SLC5A3: variants seen among roughly 807,000 people sequenced by gnomAD.
SLC5A3 encodes solute carrier family 5 member 3.
A neutral mutation model predicts 43.2 loss-of-function variants in SLC5A3; 10 were observed. The ratio of observed to expected loss-of-function variants is 0.23; its 90% CI spans 0.14 to 0.39. The LOEUF (loss-of-function observed/expected upper bound fraction) is 0.39, where lower values mean the gene tolerates loss of function less well. Ranked by LOEUF, SLC5A3 falls within the 10% of genes least tolerant of loss-of-function variation. SLC5A3 has a pLI of 1.00. For missense variants in SLC5A3, 608 were observed against 893.4 expected (o/e 0.68, Z 4.07); for synonymous variants, 349 against 322.0 (o/e 1.08, Z -0.90).
At chr21:34,087,006 A>T (rs1978423455) in intron 1 of SLC5A3, among the ~76,000 whole-genome samples, 1 of 152,200 alleles carries the variant, frequency 6.6e-6, no homozygotes, top group African/African-American at 2.4e-5. Flanking sequence ...GTGGATGTCG[A>T]CAGTTGCAGC....
intron 1 of SLC5A3, among the ~76,000 whole-genome samples, chr21:34,076,223 G>C (rs1190305351): frequency 6.6e-6 from 1 of 152,184 alleles, no homozygotes; most frequent in African/African-American, 2.4e-5. Flanking sequence ...GCAGTACTCA[G>C]CCTGGAGAGC....
Position 34,082,619 on chromosome 21 carries a change from G to C in SLC5A3, c.-337+8874G>C, listed in dbSNP as rs530132680. ...ATAGTATTACCATGAAAAAAATTCA[G>C]GTGCTCTCTTGGTAAAGATTATAGA... On this transcript the variant is annotated intron_variant, in intron 1 of 1. Coordinates refer to ENST00000381151, the MANE Select transcript of SLC5A3 (RefSeq NM_006933.7). Among the ~76,000 whole-genome samples the C allele has an allele frequency of 1.2e-4, 19 of 152,186 alleles. No homozygotes were observed. In the East Asian group the frequency reaches 3.7e-3, roughly 29 times the overall value.
intron 1 of SLC5A3, among the ~76,000 whole-genome samples, chr21:34,075,769 A>G (rs1234405169): frequency 1.3e-5 from 2 of 152,242 alleles, no homozygotes; most frequent in Non-Finnish European, 2.9e-5. Context: ...GCACAAACAC[A>G]AAGACTTCCA....
Position 34,105,760 on chromosome 21 carries a change from G to A in SLC5A3, c.*8405G>A. 1.0e-6 allele frequency: 1 copy of A among 997,708 alleles called. No homozygotes were observed. Among genetic ancestry groups the A allele is most frequent in the Non-Finnish European group, 1.2e-6 (1 of 827,848 alleles). The allele number at this position is 997,708 out of a possible 1,614,324, so 61.8% of individuals were successfully genotyped here. A position where few individuals can be genotyped will look rare whatever the true frequency, so the allele number is the denominator to read the frequency against. On this transcript the variant is annotated 3_prime_UTR_variant, in exon 2 of 2. Coordinates refer to ENST00000381151, the MANE Select transcript of SLC5A3 (RefSeq NM_006933.7). ...TGTCTACAGCTTTTTTAATTTTAAG[G>A]TTTGACTAATTGTATCCATCTCATT...
chr21:34,079,203 C>G (rs973408408), intron 1 of SLC5A3, among the ~76,000 whole-genome samples: 1 of 152,124 alleles, frequency 6.6e-6, no homozygotes, highest in Non-Finnish European at 1.5e-5. Flanking sequence ...AAAAAAACAG[C>G]AATACTTTAT....
Position 34,103,236 on chromosome 21 carries a change from T to C in SLC5A3, c.*5881T>C, listed in dbSNP as rs948819986. 6 of 999,664 alleles carry C rather than the reference T, an allele frequency of 6.0e-6. No individual in the cohort carries two copies. The highest frequency in any genetic ancestry group is 7.2e-6 in the Non-Finnish European group (6 of 829,832). 61.9% of individuals were successfully genotyped at this position (999,664 alleles called of 1,614,324 possible). A position where few individuals can be genotyped will look rare whatever the true frequency, so the allele number is the denominator to read the frequency against. ...TTCTGGTTACCAGTATTGACTCTGC[T>C]AGTTTGCACCTTTCCGTTCTTAACA... On this transcript the variant is annotated 3_prime_UTR_variant, in exon 2 of 2. Transcript: ENST00000381151.
Position 34,099,697 on chromosome 21 carries a change from CATAAGGT to C in SLC5A3, c.*2344_*2350del, listed in dbSNP as rs1370530685. On this transcript the variant is annotated 3_prime_UTR_variant, in exon 2 of 2. Coordinates refer to ENST00000381151, the MANE Select transcript of SLC5A3 (RefSeq NM_006933.7). ...TTTCTGCTCTTGTCTTAGTAAGATA[CATAAGGT>C]ACATCATCTTGTGTCTGTGTGTATA... The C allele has an allele frequency of 1.0e-6, 1 of 997,748 alleles. No homozygotes were observed. The highest frequency in any genetic ancestry group is 1.2e-6 in the Non-Finnish European group (1 of 829,466). The allele number at this position is 997,748 out of a possible 1,614,324, so 61.8% of individuals were successfully genotyped here. A position where few individuals can be genotyped will look rare whatever the true frequency, so the allele number is the denominator to read the frequency against.
intron 1 of SLC5A3, among the ~76,000 whole-genome samples, chr21:34,093,365 C>T (rs1391666281): frequency 6.6e-6 from 1 of 151,662 alleles, no homozygotes; most frequent in African/African-American, 2.4e-5. Flanking sequence ...TAAAAAGGCA[C>T]GCAGATGGGA....
rs922821381 is a variant in SLC5A3 at position 34,104,279 on chromosome 21, C to T, written c.*6924C>T. ...AGGATTCTTTCACTTGTCCCATTAACCCTCTTCTAGTCTAGATGAGATGAA... is the reference window on the plus strand; with the variant it reads ...AGGATTCTTTCACTTGTCCCATTAATCCTCTTCTAGTCTAGATGAGATGAA... On this transcript the variant is annotated 3_prime_UTR_variant, in exon 2 of 2. Transcript: ENST00000381151. 21 of 1,000,070 alleles carry T rather than the reference C, an allele frequency of 2.1e-5. No homozygotes were observed. The East Asian group carries it at 2.0e-3, about 97-fold the overall frequency. The allele number at this position is 1,000,070 out of a possible 1,614,324, so 61.9% of individuals were successfully genotyped here.
At chr21:34,091,429 G>A (rs1978686790) in intron 1 of SLC5A3, among the ~76,000 whole-genome samples, 5 of 152,036 alleles carry the variant, frequency 3.3e-5, no homozygotes, top group Admixed American at 2.6e-4. Flanking sequence ...TAAGTTTCTG[G>A]TTTGGAAGAT....
At chr21:34,089,295 G>GGT (rs1218157306) in intron 1 of SLC5A3, among the ~76,000 whole-genome samples, 1 of 152,014 alleles carries the variant, frequency 6.6e-6, no homozygotes, top group Non-Finnish European at 1.5e-5. Flanking sequence ...TGGGATTACA[G>GGT]GTGTGAGTCA....
intron 1 of SLC5A3, among the ~76,000 whole-genome samples, chr21:34,077,792 A>G (rs1989369007): frequency 6.6e-6 from 1 of 152,216 alleles, no homozygotes; most frequent in South Asian, 2.1e-4. Flanking sequence ...TGAATATAGA[A>G]AAGTATAATC....
chr21:34,099,072 T>C lies in SLC5A3; in HGVS notation c.*1717T>C. ...AGTCCAAAGTTAATTTTAGAAATTG[T>C]CAGGTAGCATAGTGTCTTCCCATGA... On this transcript the variant is annotated 3_prime_UTR_variant, in exon 2 of 2. Transcript: ENST00000381151. 2.4e-5 allele frequency: 24 copies of C among 999,326 alleles called. No homozygotes were observed. Among genetic ancestry groups the C allele is most frequent in the Non-Finnish European group, 2.9e-5 (24 of 829,452 alleles). 61.9% of individuals were successfully genotyped at this position (999,326 alleles called of 1,614,324 possible). A position where few individuals can be genotyped will look rare whatever the true frequency, so the allele number is the denominator to read the frequency against.
chr21:34,074,006 C>T (rs1362967387), intron 1 of SLC5A3, among the ~76,000 whole-genome samples: 1 of 146,204 alleles, frequency 6.8e-6, no homozygotes, highest in African/African-American at 2.5e-5. Context: ...AAGCGGCCCG[C>T]CGGGCGGGGG....
At chr21:34,074,565 G>A (rs1989278158) in intron 1 of SLC5A3, among the ~76,000 whole-genome samples, 1 of 152,220 alleles carries the variant, frequency 6.6e-6, no homozygotes, top group Non-Finnish European at 1.5e-5. Flanking sequence ...CCCGCGGCCC[G>A]GAGGCAGCTC....
chr21:34,102,134 GTT>G lies in SLC5A3; in HGVS notation c.*4783_*4784del. On this transcript the variant is annotated 3_prime_UTR_variant, in exon 2 of 2. Transcript: ENST00000381151. ...CTGTCAAGGTCACTTAATATGGAAT[GTT>G]TTTGTCAGACTGTCCTTTGTTGGAA... 1 of 1,000,144 alleles carries G rather than the reference GTT, an allele frequency of 1.0e-6. No individual in the cohort carries two copies. The highest frequency in any genetic ancestry group is 1.2e-6 in the Non-Finnish European group (1 of 829,902). The allele number at this position is 1,000,144 out of a possible 1,614,324, so 62.0% of individuals were successfully genotyped here.
chr21:34,085,905 A>G (rs1164578650), intron 1 of SLC5A3, among the ~76,000 whole-genome samples: 1 of 152,132 alleles, frequency 6.6e-6, no homozygotes, highest in Admixed American at 6.5e-5. Flanking sequence ...CCCGGCCAGA[A>G]ATAAGGACTT....
intron 1 of SLC5A3, among the ~76,000 whole-genome samples, chr21:34,089,013 G>C (rs1248249459): frequency 6.6e-6 from 1 of 152,020 alleles, no homozygotes; most frequent in Non-Finnish European, 1.5e-5. Context: ...AATAGGCATT[G>C]CTGCTCTGTT....
intron 1 of SLC5A3, among the ~76,000 whole-genome samples, chr21:34,079,447 T>C (rs1035137262): frequency 7.4e-6 from 1 of 134,900 alleles, no homozygotes; most frequent in Admixed American, 7.2e-5. Flanking sequence ...CTTCTTTCTG[T>C]TTTTTTGAGA....
Sources: gnomAD v4.1 joint callset for allele counts (sites outside exome capture counted in the v4.1 genomes callset) on GRCh38, gnomAD v4.1.1 for gene constraint, MANE v1.5 for transcripts, NCBI Gene and HGNC (gene_info 2026-07-23, HGNC 2026-07-21) for gene names.